The following ASIC2 variants were observed in gnomAD, a reference collection of about 807,000 sequenced individuals.
ASIC2 encodes the protein acid sensing ion channel subunit 2.
A neutral mutation model predicts 57.3 loss-of-function variants in ASIC2; 25 were observed. The observed-to-expected ratio is 0.44, with a 90% CI of 0.32 to 0.61. ASIC2 has a LOEUF of 0.61. Ranked by LOEUF, ASIC2 falls within the 20% of genes least tolerant of loss-of-function variation. ASIC2 has a pLI of 0.06. For missense variants in ASIC2, 641 were observed against 738.1 expected (o/e 0.87, Z 1.52); for synonymous variants, 319 against 307.5 (o/e 1.04, Z -0.39).
Position 33,021,200 on chromosome 17 carries a change from G to A in ASIC2, c.1441+19C>T, listed in dbSNP as rs2091834027. 2.8e-6 allele frequency: 2 copies of A among 726,566 alleles called. No individual in the cohort carries two copies. Among genetic ancestry groups the A allele is most frequent in the Middle Eastern group, 3.2e-4 (1 of 3,114 alleles). 45.0% of individuals were successfully genotyped at this position (726,566 alleles called of 1,614,324 possible). On this transcript the variant is annotated intron_variant, in intron 7 of 9. Transcript: ENST00000225823. ...CCCTCTATGAGATGTGGAAATTTGT[G>A]CAATAGACACTGACTTACCAAGTAA...
At chr17:33,667,230 C>T (rs541284018) in intron 1 of ASIC2, among the ~76,000 whole-genome samples, 6 of 152,262 alleles carry the variant, frequency 3.9e-5, no homozygotes, top group African/African-American at 9.6e-5. Flanking sequence ...GCCAAGGGCA[C>T]GCTTAGACGC....
intron 1 of ASIC2, among the ~76,000 whole-genome samples, chr17:33,680,020 T>G (rs1305849174): frequency 6.6e-6 from 1 of 151,304 alleles, no homozygotes; most frequent in Non-Finnish European, 1.5e-5. Flanking sequence ...TACTGGGGGG[T>G]ACTGGGATAG....
chr17:33,132,712 T>G (rs528377691), intron 1 of ASIC2, among the ~76,000 whole-genome samples: 2 of 152,362 alleles, frequency 1.3e-5, no homozygotes, highest in Admixed American at 6.5e-5. Context: ...TCCTGGGTCC[T>G]GGCTTTATGC....
At chr17:33,287,688 C>A (rs1905252828) in intron 1 of ASIC2, among the ~76,000 whole-genome samples, 1 of 152,170 alleles carries the variant, frequency 6.6e-6, no homozygotes, top group Non-Finnish European at 1.5e-5. Flanking sequence ...CAGACACCCC[C>A]CTCCCCTGCC....
chr17:34,073,775 G>A (rs1296514595), intron 1 of ASIC2, among the ~76,000 whole-genome samples: 3 of 152,080 alleles, frequency 2.0e-5, no homozygotes, highest in Non-Finnish European at 4.4e-5. Flanking sequence ...CAGAAGAAAC[G>A]GGGTTGGGGC....
chr17:33,205,116 C>T (rs1459206916), intron 1 of ASIC2, among the ~76,000 whole-genome samples: 2 of 152,246 alleles, frequency 1.3e-5, no homozygotes, highest in Non-Finnish European at 2.9e-5. Flanking sequence ...CTCTCTAAAC[C>T]TTGCTCTGTG....
At chr17:33,952,574 T>C (rs1904611304) in intron 1 of ASIC2, among the ~76,000 whole-genome samples, 1 of 152,212 alleles carries the variant, frequency 6.6e-6, no homozygotes, top group Non-Finnish European at 1.5e-5. Flanking sequence ...TCCTTGATGA[T>C]ATCATCAAGT....
intron 1 of ASIC2, among the ~76,000 whole-genome samples, chr17:33,308,936 G>A (rs910357373): frequency 9.2e-5 from 14 of 152,156 alleles, no homozygotes; most frequent in African/African-American, 3.1e-4. Flanking sequence ...ACCATATGGG[G>A]GTTTGGCATT....
intron 1 of ASIC2, among the ~76,000 whole-genome samples, chr17:33,665,829 T>A (rs1306574306): frequency 6.6e-6 from 1 of 152,172 alleles, no homozygotes; most frequent in Admixed American, 6.5e-5. Context: ...TCCCTGTGGC[T>A]GCATTCTCCA....
chr17:33,736,855 AT>A (rs752248988), intron 1 of ASIC2, among the ~76,000 whole-genome samples: 2 of 151,850 alleles, frequency 1.3e-5, no homozygotes, highest in African/African-American at 2.4e-5. Flanking sequence ...ACGTGCTTTT[AT>A]TCACAAAGAC....
intron 1 of ASIC2, among the ~76,000 whole-genome samples, chr17:34,066,303 C>T (rs1386863358): frequency 1.3e-5 from 2 of 152,218 alleles, no homozygotes; most frequent in African/African-American, 4.8e-5. Context: ...TTTGTGATCT[C>T]TCTAAGCCAC....
At chr17:33,220,547 G>A (rs1023088383) in intron 1 of ASIC2, among the ~76,000 whole-genome samples, 1 of 152,150 alleles carries the variant, frequency 6.6e-6, no homozygotes, top group African/African-American at 2.4e-5. Context: ...ATGACCTTGG[G>A]CAATTCATTT....
At chr17:33,066,518 A>C (rs758793344) in intron 3 of ASIC2, among the ~76,000 whole-genome samples, 1 of 152,086 alleles carries the variant, frequency 6.6e-6, no homozygotes, top group Non-Finnish European at 1.5e-5. Flanking sequence ...CATATTGAAG[A>C]TTTTCGGCTA....
intron 2 of ASIC2, among the ~76,000 whole-genome samples, chr17:33,107,178 C>T (rs1415043424): frequency 6.6e-6 from 1 of 152,206 alleles, no homozygotes; most frequent in East Asian, 1.9e-4. Context: ...TCCCTTTCTG[C>T]CTTCAATTTA....
At chr17:33,988,069 T>G (rs962221818) in intron 1 of ASIC2, among the ~76,000 whole-genome samples, 1 of 152,026 alleles carries the variant, frequency 6.6e-6, no homozygotes, top group Non-Finnish European at 1.5e-5. Flanking sequence ...AGAGTAAGAG[T>G]GCATTAGGCT....
chr17:33,494,873 C>T (rs1019067397), intron 1 of ASIC2, among the ~76,000 whole-genome samples: 13 of 152,164 alleles, frequency 8.5e-5, no homozygotes, highest in Non-Finnish European at 1.6e-4. Context: ...TAGGGCATCA[C>T]CCTGCTCACT....
At chr17:33,393,048 C>A (rs1341935228) in intron 1 of ASIC2, among the ~76,000 whole-genome samples, 1 of 152,208 alleles carries the variant, frequency 6.6e-6, no homozygotes, top group Non-Finnish European at 1.5e-5. Context: ...ACCTCTCATG[C>A]AGCCCATTGT....
At chr17:33,617,520 G>GT (rs146060432) in intron 1 of ASIC2, among the ~76,000 whole-genome samples, 6 of 151,632 alleles carry the variant, frequency 4.0e-5, no homozygotes, top group Non-Finnish European at 5.9e-5. Context: ...AGGGAGGAGG[G>GT]GAGAATAAAA....
chr17:33,203,850 A>G (rs1175873897), intron 1 of ASIC2, among the ~76,000 whole-genome samples: 3 of 152,328 alleles, frequency 2.0e-5, no homozygotes, highest in South Asian at 4.1e-4. Context: ...GGTTTTCACA[A>G]TGTGACTGCC....
Sources: allele counts gnomAD v4.1 joint callset (sites outside exome capture counted in the v4.1 genomes callset), GRCh38; gene constraint gnomAD v4.1.1; transcripts MANE v1.5; gene names NCBI Gene and HGNC (gene_info 2026-07-23, HGNC 2026-07-21).